Variants in EPYC observed in about 807,000 individuals in gnomAD.
EPYC encodes the protein epiphycan, also known as dermatan sulfate proteoglycan 3.
A neutral mutation model predicts 30.1 loss-of-function variants in EPYC; 28 were observed. The observed-to-expected ratio is 0.93, with a 90% CI of 0.69 to 1.28. EPYC has a LOEUF of 1.28. EPYC is among the 50% of genes most tolerant of loss of function. The probability of loss-of-function intolerance (pLI) is 0.00; values close to 1 mark genes in which losing one functional copy is unlikely to be tolerated. For synonymous variants in EPYC, 144 were observed against 141.4 expected, an observed-to-expected ratio of 1.02 and a Z score of -0.13; for missense variants, 382 against 383.5, an observed-to-expected ratio of 1.00 and a Z score of 0.03.
chr12:90,978,550 A>G (rs1471218142), intron 2 of EPYC, among the ~76,000 whole-genome samples: 1 of 151,832 alleles, frequency 6.6e-6, no homozygotes, highest in Non-Finnish European at 1.5e-5. Flanking sequence ...CATAGGTTTA[A>G]AAAAAAGCTC....
chr12:90,988,615 A>T (rs1877508094), intron 2 of EPYC, among the ~76,000 whole-genome samples: 1 of 152,156 alleles, frequency 6.6e-6, no homozygotes, highest in South Asian at 2.1e-4. Flanking sequence ...AAAATGTTAA[A>T]AATTGCTCAC....
intron 2 of EPYC, among the ~76,000 whole-genome samples, chr12:90,995,614 T>G (rs1201931885): frequency 6.6e-6 from 1 of 151,916 alleles, no homozygotes; most frequent in East Asian, 1.9e-4. Flanking sequence ...ATTACCTTAT[T>G]TCCAGGGTTA....
At chr12:90,970,676 CA>C (rs1476328184) in intron 5 of EPYC, among the ~76,000 whole-genome samples, 1 of 152,204 alleles carries the variant, frequency 6.6e-6, no homozygotes, top group African/African-American at 2.4e-5. Flanking sequence ...CCTGTGCCAA[CA>C]CAGGCAGAGT....
At chr12:91,000,798 T>TTA (rs1555216259) in intron 2 of EPYC, among the ~76,000 whole-genome samples, 13 of 151,622 alleles carry the variant, frequency 8.6e-5, no homozygotes, top group Non-Finnish European at 1.3e-4. Context: ...AACTTTTTTT[T>TTA]AAAAAAATGT....
In EPYC at chr12:90,978,287, T is replaced by G. The variant is rs201975239; in HGVS notation, c.166-25A>C. 5.9e-4 allele frequency: 922 copies of G among 1,553,752 alleles called. 1 individual carries two copies. The highest frequency in any genetic ancestry group is 6.7e-4 in the Non-Finnish European group (779 of 1,154,308). ...TCTGAAAAAAAAAAAAAAAAGAGAA[T>G]TTCTTCAGGCCAACTTCTCAGTCAC... On this transcript the variant is annotated intron_variant, in intron 2 of 6. Transcript: ENST00000261172.
Position 90,963,977 on chromosome 12 carries a change from T to G in EPYC, c.*179A>C. 2.1e-6 allele frequency: 1 copy of G among 480,146 alleles called. No individual in the cohort carries two copies. The highest frequency in any genetic ancestry group is 3.6e-6 in the Non-Finnish European group (1 of 274,152). 29.7% of individuals were successfully genotyped at this position (480,146 alleles called of 1,614,324 possible). A position where few individuals can be genotyped will look rare whatever the true frequency, so the allele number is the denominator to read the frequency against. On this transcript the variant is annotated 3_prime_UTR_variant, in exon 7 of 7. Coordinates refer to ENST00000261172, the MANE Select transcript of EPYC (RefSeq NM_004950.5). ...TAAATGTTATAGGTTTATTCCTAAC[T>G]CATCTGGTGTTTTCTTAAATTACTA... is the stretch of plus-strand genomic sequence containing the variant.
Position 91,002,578 on chromosome 12 carries a change from C to T in EPYC, c.-13G>A, listed in dbSNP as rs2120879319. On this transcript the variant is annotated splice_region_variant and 5_prime_UTR_variant, in exon 2 of 7. Coordinates refer to ENST00000261172, the MANE Select transcript of EPYC (RefSeq NM_004950.5). ...CTAATGTCTTCATTTTTCAAGCTTT[C>T]CTAATTATAAAATATTAAAATGCAT... is the stretch of plus-strand genomic sequence containing the variant. The T allele has an allele frequency of 6.3e-7, 1 of 1,593,098 alleles. No homozygotes were observed. The highest frequency in any genetic ancestry group is 1.4e-5 in the African/African-American group (1 of 73,704).
rs146747007 is a variant in EPYC at position 90,997,286 on chromosome 12, G to A, written c.165+5115C>T. On this transcript the variant is annotated intron_variant, in intron 2 of 6. Coordinates refer to ENST00000261172, the MANE Select transcript of EPYC (RefSeq NM_004950.5). ...AGGAAAAGTAAAAGTAATTATATAAGGCTACGTTAATTAATGTAGTAGAGG... is the reference window on the plus strand; with the variant it reads ...AGGAAAAGTAAAAGTAATTATATAAAGCTACGTTAATTAATGTAGTAGAGG... Among the ~76,000 whole-genome samples the A allele has an allele frequency of 3.9e-3, 594 of 152,072 alleles. 2 individuals are homozygous for A. The highest frequency in any genetic ancestry group is 6.6e-3 in the Admixed American group (100 of 15,240).
At chr12:91,000,831 G>A (rs144994219) in intron 2 of EPYC, among the ~76,000 whole-genome samples, 230 of 152,032 alleles carry the variant, frequency 1.5e-3, no homozygotes, top group Non-Finnish European at 2.9e-3. Context: ...GATGAAAAAA[G>A]AAGCAAGGCA....
chr12:90,999,467 G>A (rs1232638138), intron 2 of EPYC, among the ~76,000 whole-genome samples: 3 of 151,924 alleles, frequency 2.0e-5, no homozygotes, highest in Non-Finnish European at 4.4e-5. Context: ...GCTGAAACAG[G>A]CAGAAACACA....
chr12:90,974,824 G>T (rs1393131580), intron 3 of EPYC, among the ~76,000 whole-genome samples: 1 of 152,094 alleles, frequency 6.6e-6, no homozygotes, highest in African/African-American at 2.4e-5. Flanking sequence ...GGTAAATAAG[G>T]ATTGTAAGCT....
chr12:90,998,362 G>C (rs115355669), intron 2 of EPYC, among the ~76,000 whole-genome samples: 3,197 of 152,176 alleles, frequency 0.021, 106 homozygotes, highest in African/African-American at 0.07. Context: ...ATAGCACTCT[G>C]ATGGCATTGT....
At chr12:90,973,768 A>C (rs1877111608) in intron 3 of EPYC, among the ~76,000 whole-genome samples, 1 of 152,168 alleles carries the variant, frequency 6.6e-6, no homozygotes. Context: ...TATGGGACAT[A>C]ACATGCAGGG....
chr12:90,998,327 A>G (rs1283944013), intron 2 of EPYC, among the ~76,000 whole-genome samples: 1 of 152,136 alleles, frequency 6.6e-6, no homozygotes, highest in Non-Finnish European at 1.5e-5. Flanking sequence ...ATGTCACACC[A>G]ATAAATGTAC....
chr12:90,991,062 G>GA (rs1877574071), intron 2 of EPYC, among the ~76,000 whole-genome samples: 3 of 151,962 alleles, frequency 2.0e-5, no homozygotes, highest in African/African-American at 7.2e-5. Context: ...AGAACACGCT[G>GA]AAAAAAAGAT....
intron 6 of EPYC, among the ~76,000 whole-genome samples, chr12:90,966,257 T>G (rs1262167990): frequency 6.6e-6 from 1 of 152,020 alleles, no homozygotes; most frequent in Non-Finnish European, 1.5e-5. Context: ...CCATTGAAGA[T>G]GATGTTAGCC....
At chr12:90,991,015 T>C (rs1204884753) in intron 2 of EPYC, among the ~76,000 whole-genome samples, 2 of 152,188 alleles carry the variant, frequency 1.3e-5, no homozygotes, top group African/African-American at 4.8e-5. Flanking sequence ...TTCAATTTTA[T>C]GTCTTTAATC....
At chr12:90,999,770 T>C (rs1356719061) in intron 2 of EPYC, among the ~76,000 whole-genome samples, 1 of 152,086 alleles carries the variant, frequency 6.6e-6, no homozygotes, top group African/African-American at 2.4e-5. Context: ...CTATCATCTT[T>C]ACTTTACATC....
intron 2 of EPYC, among the ~76,000 whole-genome samples, chr12:90,986,931 A>C (rs936155962): frequency 6.6e-6 from 1 of 151,952 alleles, no homozygotes; most frequent in Non-Finnish European, 1.5e-5. Flanking sequence ...TCCCCATTAT[A>C]CTCCCAGCTG....
Sources: allele counts gnomAD v4.1 joint callset (sites outside exome capture counted in the v4.1 genomes callset), GRCh38; gene constraint gnomAD v4.1.1; transcripts MANE v1.5; gene names NCBI Gene and HGNC (gene_info 2026-07-23, HGNC 2026-07-21).